The following CLYBL variants were observed in gnomAD, a reference collection of about 807,000 sequenced individuals.
The protein encoded by CLYBL is citramalyl-CoA lyase.
A neutral mutation model predicts 38.9 loss-of-function variants in CLYBL; 31 were observed. The observed-to-expected ratio is 0.80, with a 90% CI of 0.60 to 1.08. CLYBL has a LOEUF of 1.08. CLYBL is among the 50% of genes least tolerant of loss of function. The probability of loss-of-function intolerance (pLI) is 0.00; values close to 1 mark genes in which losing one functional copy is unlikely to be tolerated. For synonymous variants in CLYBL, 171 were observed against 158.6 expected, an observed-to-expected ratio of 1.08 and a Z score of -0.59; for missense variants, 434 against 411.6, an observed-to-expected ratio of 1.05 and a Z score of -0.47.
intron 7 of CLYBL, among the ~76,000 whole-genome samples, chr13:99,875,472 C>G (rs1185686339): frequency 6.6e-6 from 1 of 152,174 alleles, no homozygotes; most frequent in African/African-American, 2.4e-5. Context: ...TGCTCGCACA[C>G]CTTTCATTTC....
chr13:99,747,827 T>C (rs948488797), intron 1 of CLYBL, among the ~76,000 whole-genome samples: 22 of 152,180 alleles, frequency 1.4e-4, no homozygotes, highest in African/African-American at 4.6e-4. Context: ...GGACTCAATA[T>C]TTGTTGAATG....
chr13:99,639,280 G>A lies in CLYBL; in HGVS notation c.62+32523G>A, dbSNP rs552236204. ...AAGCCGGGGCTTGTGGTCACTCTGT[G>A]GACACGCAGCATGGTCATTAATGCC... On this transcript the variant is annotated intron_variant, in intron 1 of 8. Transcript: ENST00000339105. Among the ~76,000 whole-genome samples, 5 of 152,294 alleles carry A rather than the reference G, an allele frequency of 3.3e-5. No individual in the cohort carries two copies. In the South Asian group the frequency reaches 1.0e-3, roughly 32 times the overall value.
intron 3 of CLYBL, among the ~76,000 whole-genome samples, chr13:99,860,603 A>G (rs1158578038): frequency 6.6e-6 from 1 of 152,176 alleles, no homozygotes; most frequent in African/African-American, 2.4e-5. Flanking sequence ...CCTATTTATC[A>G]CCGTTATTAC....
At chr13:99,727,457 A>G (rs2048497669) in intron 1 of CLYBL, 1 of 151,952 alleles carries the variant, frequency 6.6e-6, no homozygotes, top group Non-Finnish European at 1.5e-5. Flanking sequence ...CTTCTCATAA[A>G]ATCCGAGGAT....
At chr13:99,870,836 C>T in intron 6 of CLYBL, 102 bp from the exon 7 acceptor site, 1 of 1,173,094 alleles carries the variant, frequency 8.5e-7, no homozygotes, top group Non-Finnish European at 1.2e-6. Flanking sequence ...AGTTATTTAA[C>T]ATACAGTCTA....
intron 1 of CLYBL, among the ~76,000 whole-genome samples, chr13:99,664,232 G>A (rs556678869): frequency 2.0e-4 from 30 of 152,290 alleles, no homozygotes; most frequent in Non-Finnish European, 1.9e-4. Flanking sequence ...TTCTGAACTG[G>A]CTACAGCAAC....
intron 1 of CLYBL, among the ~76,000 whole-genome samples, chr13:99,626,676 G>T (rs1472731994): frequency 6.6e-6 from 1 of 152,088 alleles, no homozygotes; most frequent in African/African-American, 2.4e-5. Flanking sequence ...GAGCTTTCAG[G>T]TGACTTCACT....
At chr13:99,877,937 G>A (rs1368098693) in intron 7 of CLYBL, among the ~76,000 whole-genome samples, 7 of 151,844 alleles carry the variant, frequency 4.6e-5, no homozygotes. Context: ...TTCTATAATT[G>A]TCTTTTTTTT....
chr13:99,797,560 T>TTG (rs3033584), intron 2 of CLYBL, among the ~76,000 whole-genome samples: 14,029 of 141,770 alleles, frequency 0.099, 858 homozygotes, highest in Non-Finnish European at 0.15. Flanking sequence ...TGTTAGCTGT[T>TTG]TGTGTGTGTG....
At chr13:99,670,272 A>G (rs767589251) in intron 1 of CLYBL, among the ~76,000 whole-genome samples, 6 of 152,154 alleles carry the variant, frequency 3.9e-5, no homozygotes, top group Non-Finnish European at 8.8e-5. Context: ...TGGGAGGATC[A>G]CTTGAGCCCA....
In CLYBL at chr13:99,691,267, A is replaced by T. The variant is rs373462150; in HGVS notation, c.63-81557A>T. ...TGATCTAAAGAACATGTTTTGGGGG[A>T]TATTTTCTTAATCAATATCTAAGTT... On this transcript the variant is annotated intron_variant, in intron 1 of 8. Transcript: ENST00000339105. Among the ~76,000 whole-genome samples the T allele has an allele frequency of 2.8e-4, 42 of 152,304 alleles. 2 individuals carry two copies. The South Asian group carries it at 6.8e-3, about 25-fold the overall frequency.
intron 7 of CLYBL, among the ~76,000 whole-genome samples, chr13:99,888,106 T>C (rs2052397103): frequency 6.6e-6 from 1 of 152,152 alleles, no homozygotes; most frequent in Non-Finnish European, 1.5e-5. Flanking sequence ...TCCATCCGCC[T>C]TGGCCTCCAA....
At chr13:99,892,250 T>G (rs1730467670) in intron 8 of CLYBL, 193 bp from the exon 9 acceptor site, 1 of 152,202 alleles carries the variant, frequency 6.6e-6, no homozygotes, top group Non-Finnish European at 1.5e-5. Flanking sequence ...GAAGACACAA[T>G]GCACCCGAGC....
intron 2 of CLYBL, among the ~76,000 whole-genome samples, chr13:99,841,597 G>A (rs1385329478): frequency 2.0e-5 from 3 of 151,692 alleles, no homozygotes; most frequent in Admixed American, 6.6e-5. Context: ...ATGGGGTTTC[G>A]CCATGTTGGC....
chr13:99,684,475 T>C (rs1184560558), intron 1 of CLYBL, among the ~76,000 whole-genome samples: 1 of 152,082 alleles, frequency 6.6e-6, no homozygotes, highest in Non-Finnish European at 1.5e-5. Flanking sequence ...AAACAAAAAA[T>C]TTAAATAGAA....
chr13:99,714,435 G>A (rs902555428), intron 1 of CLYBL, among the ~76,000 whole-genome samples: 1 of 150,970 alleles, frequency 6.6e-6, no homozygotes, highest in African/African-American at 2.4e-5. Flanking sequence ...TGGCCAACAT[G>A]GTGAAACCCC....
intron 1 of CLYBL, among the ~76,000 whole-genome samples, chr13:99,699,863 G>A (rs971660747): frequency 5.3e-5 from 8 of 151,380 alleles, no homozygotes; most frequent in Non-Finnish European, 1.0e-4. Flanking sequence ...GCGTGGTGGC[G>A]GGTGCCTGTA....
chr13:99,629,849 C>T (rs911691269), intron 1 of CLYBL, among the ~76,000 whole-genome samples: 8 of 152,172 alleles, frequency 5.3e-5, no homozygotes, highest in Non-Finnish European at 1.0e-4. Context: ...TCTTTCTTTA[C>T]AGAGGAGATG....
chr13:99,829,087 C>G (rs2050753634), intron 2 of CLYBL, among the ~76,000 whole-genome samples: 1 of 152,238 alleles, frequency 6.6e-6, no homozygotes, highest in Non-Finnish European at 1.5e-5. Context: ...AGATCCCACC[C>G]AGGTAACGCC....
Sources: gnomAD v4.1 joint callset for allele counts (sites outside exome capture counted in the v4.1 genomes callset) on GRCh38, gnomAD v4.1.1 for gene constraint, MANE v1.5 for transcripts, NCBI Gene and HGNC (gene_info 2026-07-23, HGNC 2026-07-21) for gene names.